Variants in RIMS2 observed in about 807,000 individuals in gnomAD.
RIMS2 encodes the protein regulating synaptic membrane exocytosis 2, also known as regulating synaptic membrane exocytosis protein 2.
In RIMS2, 59 loss-of-function variants were observed where a neutral mutation model predicts 174.4. That is an observed-to-expected ratio of 0.34 (90% CI 0.27 to 0.42). The LOEUF (loss-of-function observed/expected upper bound fraction) is 0.42, where lower values mean the gene tolerates loss of function less well. RIMS2 is among the 10% of genes least tolerant of loss of function. The pLI is 1.00. For synonymous variants in RIMS2, 606 were observed against 572.5 expected, an observed-to-expected ratio of 1.06 and a Z score of -0.84; for missense variants, 1,620 against 1,666.3, an observed-to-expected ratio of 0.97 and a Z score of 0.48.
At chr8:103,583,520 A>T (rs928263948) in intron 1 of RIMS2, among the ~76,000 whole-genome samples, 5 of 152,210 alleles carry the variant, frequency 3.3e-5, no homozygotes, top group Non-Finnish European at 7.3e-5. Flanking sequence ...TGTTGAGGAA[A>T]CACAGCTATT....
At chr8:103,959,565 G>T (rs2089097441) in intron 14 of RIMS2, among the ~76,000 whole-genome samples, 1 of 151,670 alleles carries the variant, frequency 6.6e-6, no homozygotes, top group Admixed American at 6.6e-5. Flanking sequence ...CGCCATGCCT[G>T]ACTAATATTT....
intron 15 of RIMS2, among the ~76,000 whole-genome samples, chr8:103,971,575 T>C (rs2092880857): frequency 6.6e-6 from 1 of 152,006 alleles, no homozygotes; most frequent in African/African-American, 2.4e-5. Context: ...AGCATAGTTT[T>C]TTTTTTTTCT....
At chr8:104,018,231 T>A (rs929393780) in intron 19 of RIMS2, among the ~76,000 whole-genome samples, 3 of 152,156 alleles carry the variant, frequency 2.0e-5, no homozygotes, top group Non-Finnish European at 4.4e-5. Flanking sequence ...AAACTGAGCA[T>A]GTGGAAGAGC....
intron 3 of RIMS2, among the ~76,000 whole-genome samples, chr8:103,818,368 A>G (rs2098731204): frequency 1.3e-5 from 2 of 152,322 alleles, no homozygotes; most frequent in East Asian, 1.9e-4. Context: ...TGGTTTACAC[A>G]CTAGTTTTAG....
At chr8:103,876,867 TATATATATATATATATATATATATA>T (rs2099141188) in intron 3 of RIMS2, among the ~76,000 whole-genome samples, 5 of 28,480 alleles carry the variant, frequency 1.8e-4, no homozygotes, top group Non-Finnish European at 2.9e-4. Flanking sequence ...CACTATTTTA[TATATATATATATATATATATATATA>T]TATATATATA....
At chr8:103,796,991 G>T (rs2098554173) in intron 3 of RIMS2, among the ~76,000 whole-genome samples, 1 of 151,944 alleles carries the variant, frequency 6.6e-6, no homozygotes, top group African/African-American at 2.4e-5. Context: ...GATTTTTTGT[G>T]GGGAAACAGT....
intron 19 of RIMS2, among the ~76,000 whole-genome samples, chr8:104,235,607 T>C (rs1024852023): frequency 6.6e-6 from 1 of 152,088 alleles, no homozygotes; most frequent in Non-Finnish European, 1.5e-5. Context: ...CTACATAGAC[T>C]GACAGACGTT....
intron 19 of RIMS2, among the ~76,000 whole-genome samples, chr8:104,155,723 A>C (rs1449164460): frequency 3.3e-5 from 5 of 152,058 alleles, no homozygotes; most frequent in African/African-American, 1.2e-4. Flanking sequence ...TGGGGGTGTT[A>C]GTTTCAACTA....
At chr8:104,253,027 G>A (rs2099362745), downstream of RIMS2, 1 of 152,180 alleles carries the variant, frequency 6.6e-6, no homozygotes, top group Non-Finnish European at 1.5e-5. Flanking sequence ...TTTCAAGCAT[G>A]TTGAAAAGGA....
At chr8:103,583,447 G>T (rs990307697) in intron 1 of RIMS2, among the ~76,000 whole-genome samples, 1 of 152,048 alleles carries the variant, frequency 6.6e-6, no homozygotes, top group Non-Finnish European at 1.5e-5. Flanking sequence ...ACTAAATAAG[G>T]CATCAGGGAT....
chr8:103,680,795 A>G (rs937761228), intron 1 of RIMS2, among the ~76,000 whole-genome samples: 3 of 151,964 alleles, frequency 2.0e-5, no homozygotes, highest in African/African-American at 4.8e-5. Flanking sequence ...ATTAATACCT[A>G]TCAAATCAGC....
intron 2 of RIMS2, among the ~76,000 whole-genome samples, chr8:103,721,159 G>A (rs1358730835): frequency 6.6e-6 from 1 of 152,112 alleles, no homozygotes; most frequent in Non-Finnish European, 1.5e-5. Context: ...AAGATGTGCT[G>A]GCTCCCCTTC....
At chr8:104,069,771 A>G (rs1278488856) in intron 19 of RIMS2, among the ~76,000 whole-genome samples, 1 of 151,872 alleles carries the variant, frequency 6.6e-6, no homozygotes, top group East Asian at 1.9e-4. Flanking sequence ...GGCCTATTTC[A>G]TTGTTCTTGT....
chr8:103,606,298 T>G (rs1448026623), intron 1 of RIMS2, among the ~76,000 whole-genome samples: 1 of 150,782 alleles, frequency 6.6e-6, no homozygotes, highest in African/African-American at 2.4e-5. Context: ...AGTTTCCATG[T>G]AGTTGAGCAG....
chr8:104,025,131 G>A (rs574875786), intron 19 of RIMS2, among the ~76,000 whole-genome samples: 23 of 152,210 alleles, frequency 1.5e-4, no homozygotes, highest in East Asian at 1.2e-3. Context: ...ATTATTTGCC[G>A]TGTAGATATG....
chr8:104,108,710 A>G (rs1227723601), intron 19 of RIMS2, among the ~76,000 whole-genome samples: 1 of 152,166 alleles, frequency 6.6e-6, no homozygotes, highest in African/African-American at 2.4e-5. Context: ...AATTTGTAGA[A>G]TTAGTCTTCT....
chr8:104,105,589 A>G (rs1218735658), intron 19 of RIMS2, among the ~76,000 whole-genome samples: 1 of 152,012 alleles, frequency 6.6e-6, no homozygotes, highest in African/African-American at 2.4e-5. Context: ...AAGTTTTAGG[A>G]CAGAGTCTCA....
At position 103,963,752 on chromosome 8, in the gene RIMS2, C is replaced by G. The variant is rs113346201; in HGVS notation, c.2770+2619C>G. On this transcript the variant is annotated intron_variant, in intron 15 of 23. Transcript: ENST00000504942. ...TTACATTGGGGCTCACTCTTGGTGT[C>G]AAATATTCATTGGATTTGGACAAAT... Among the ~76,000 whole-genome samples the G allele has an allele frequency of 9.1e-4, 139 of 152,286 alleles. 1 individual carries two copies. The highest frequency in any genetic ancestry group is 3.0e-3 in the African/African-American group (126 of 41,564).
At chr8:103,936,507 T>C (rs1267523157) in intron 12 of RIMS2, 44 bp from the exon 15 acceptor site, 1 of 1,321,598 alleles carries the variant, frequency 7.6e-7, no homozygotes, top group Non-Finnish European at 1.0e-6. Flanking sequence ...AGGACAAAAC[T>C]TATAGTTCTA....
Sources: allele counts gnomAD v4.1 joint callset (sites outside exome capture counted in the v4.1 genomes callset), GRCh38; gene constraint gnomAD v4.1.1; transcripts MANE v1.5; gene names NCBI Gene and HGNC (gene_info 2026-07-23, HGNC 2026-07-21).